The following CLTRN variants were observed in gnomAD, a reference collection of about 807,000 sequenced individuals.
CLTRN encodes the protein collectrin, amino acid transport regulator.
Under a neutral mutation model 14.5 loss-of-function variants are expected in CLTRN, and 12 were observed. That is an observed-to-expected ratio of 0.83 (90% confidence interval 0.53 to 1.34). CLTRN has a LOEUF of 1.34. Among genes scored for constraint, CLTRN ranks in the 40% most tolerant of loss-of-function variants. The probability of loss-of-function intolerance (pLI) is 0.00; values close to 1 mark genes in which losing one functional copy is unlikely to be tolerated. For synonymous variants in CLTRN, 58 were observed against 56.5 expected (o/e 1.03, Z -0.12); for missense variants, 154 against 165.1 (o/e 0.93, Z 0.37).
At chrX:15,649,720 T>C (rs1272393148) in intron 3 of CLTRN, among the ~76,000 whole-genome samples, 1 of 110,704 alleles carries the variant, frequency 9.0e-6, no homozygotes, top group Non-Finnish European at 1.9e-5. Context: ...ATAACCCCCA[T>C]ACAGATCCCA....
In CLTRN at chrX:15,631,013, T is replaced by C. The variant is rs145904915; in HGVS notation, c.513-2886A>G. Reference sequence around the variant, plus strand: ...CCAACATTCACTAACAGCTACATTTTGAGCGTCTACTATGTGTATGGAAGA... The same window carrying C: ...CCAACATTCACTAACAGCTACATTTCGAGCGTCTACTATGTGTATGGAAGA... On this transcript the variant is annotated intron_variant, in intron 5 of 5. Transcript: ENST00000380342. Among the ~76,000 whole-genome samples, 786 of 112,194 alleles carry C rather than the reference T, an allele frequency of 7.0e-3. 6 individuals carry two copies. The highest frequency in any genetic ancestry group is 0.024 in the African/African-American group (746 of 30,870).
At chrX:15,668,560 G>GT (rs754851358), upstream of CLTRN, among the ~76,000 whole-genome samples, 2 of 111,207 alleles carry the variant, frequency 1.8e-5, no homozygotes, top group African/African-American at 6.5e-5. Context: ...TCAATTCCTG[G>GT]TTTTTCCCCT....
intron 5 of CLTRN, among the ~76,000 whole-genome samples, chrX:15,638,861 T>C (rs1928876157): frequency 8.9e-6 from 1 of 112,112 alleles, no homozygotes; most frequent in Non-Finnish European, 1.9e-5. Flanking sequence ...CTATAAATTG[T>C]TAAATTGAAA....
Position 15,627,796 on chromosome X carries a change from T to C in CLTRN, c.*175A>G, listed in dbSNP as rs997948688. ...TTTTGAGTCGTGAATAGCTTATGAT[T>C]TCAGTGGTGTTGGTGGGTATAATTG... On this transcript the variant is annotated 3_prime_UTR_variant, in exon 6 of 6. Coordinates refer to ENST00000380342, the MANE Select transcript of CLTRN (RefSeq NM_020665.6). The C allele has an allele frequency of 4.5e-5, 14 of 308,936 alleles. No homozygotes were observed. Among genetic ancestry groups the C allele is most frequent in the Admixed American group, 1.9e-4 (3 of 16,106 alleles). 25.5% of individuals were successfully genotyped at this position (308,936 alleles called of 1,213,427 possible).
chrX:15,645,492 C>T (rs1929043094), intron 3 of CLTRN, among the ~76,000 whole-genome samples: 1 of 111,970 alleles, frequency 8.9e-6, no homozygotes, highest in African/African-American at 3.3e-5. Flanking sequence ...CATCTACTGT[C>T]TCTCTTCCAC....
intron 4 of CLTRN, among the ~76,000 whole-genome samples, chrX:15,643,464 C>G (rs1189720782): frequency 1.8e-5 from 2 of 112,132 alleles, no homozygotes; most frequent in Non-Finnish European, 3.8e-5. Context: ...ATTAATACTT[C>G]CCAGACCTTC....
At chrX:15,639,879 G>A in intron 4 of CLTRN, 123 bp from the exon 5 acceptor site, 2 of 698,305 alleles carry the variant, frequency 2.9e-6, no homozygotes, top group Admixed American at 3.8e-5. Flanking sequence ...CTCCTGGCAG[G>A]AGACTTCAAG....
chrX:15,646,413 T>C (rs1290915911), intron 3 of CLTRN: 32 of 312,835 alleles, frequency 1.0e-4, no homozygotes, highest in African/African-American at 6.7e-4. Flanking sequence ...CATGGGCAGC[T>C]ACCTGAGCGG....
At chrX:15,661,730 T>A (rs1486968226) in intron 2 of CLTRN, among the ~76,000 whole-genome samples, 1 of 112,553 alleles carries the variant, frequency 8.9e-6, no homozygotes, top group South Asian at 3.6e-4. Context: ...AATACACATA[T>A]AAGAATGTCC....
intron 5 of CLTRN, among the ~76,000 whole-genome samples, chrX:15,633,096 G>A (rs1481067671): frequency 9.1e-6 from 1 of 110,068 alleles, no homozygotes; most frequent in Non-Finnish European, 1.9e-5. Flanking sequence ...TGAGATTGAT[G>A]GACTTTGAAA....
chrX:15,644,211 C>G (rs1929005641), intron 4 of CLTRN, among the ~76,000 whole-genome samples: 1 of 111,955 alleles, frequency 8.9e-6, no homozygotes, highest in African/African-American at 3.3e-5. Flanking sequence ...GCTGAGAGCA[C>G]CTTTCTAGGC....
chrX:15,635,813 T>C, intron 5 of CLTRN, among the ~76,000 whole-genome samples: 1 of 111,898 alleles, frequency 8.9e-6, no homozygotes, highest in Middle Eastern at 4.6e-3. Context: ...AAGGAGTTAA[T>C]ATCCAAAAAT....
At chrX:15,631,612 G>A (rs1252390101) in intron 5 of CLTRN, among the ~76,000 whole-genome samples, 1 of 112,361 alleles carries the variant, frequency 8.9e-6, no homozygotes, top group Non-Finnish European at 1.9e-5. Flanking sequence ...ATGAGGACAA[G>A]TTTTTCTTCT....
intron 3 of CLTRN, among the ~76,000 whole-genome samples, chrX:15,652,944 T>G (rs1283666124): frequency 9.0e-6 from 1 of 110,803 alleles, no homozygotes; most frequent in African/African-American, 3.3e-5. Flanking sequence ...AGCCAGGCGT[T>G]GTGGCAGGCA....
At chrX:15,636,474 A>G (rs1208204241) in intron 5 of CLTRN, among the ~76,000 whole-genome samples, 1 of 112,551 alleles carries the variant, frequency 8.9e-6, no homozygotes, top group African/African-American at 3.2e-5. Flanking sequence ...AGTTGAATTT[A>G]TATGTTAATT....
chrX:15,637,783 CCCA>C (rs1342325986), intron 5 of CLTRN, among the ~76,000 whole-genome samples: 1 of 112,057 alleles, frequency 8.9e-6, no homozygotes, highest in African/African-American at 3.2e-5. Context: ...CTCTTTTTAT[CCCA>C]CCAAGTTAAT....
intron 3 of CLTRN, chrX:15,646,625 C>G (rs1929080706): frequency 2.9e-6 from 1 of 339,972 alleles, no homozygotes; most frequent in African/African-American, 2.7e-5. Context: ...ACTACGCCCG[C>G]ATCCGCATCC....
chrX:15,655,651 C>G (rs780588233), intron 3 of CLTRN, among the ~76,000 whole-genome samples: 1 of 112,029 alleles, frequency 8.9e-6, no homozygotes, highest in Non-Finnish European at 1.9e-5. Flanking sequence ...CTCAAGCCAG[C>G]CTTCCACCAT....
chrX:15,634,839 C>T (rs1315414854), intron 5 of CLTRN, among the ~76,000 whole-genome samples: 2 of 103,844 alleles, frequency 1.9e-5, no homozygotes, highest in African/African-American at 3.5e-5. Context: ...TGCTAGATGA[C>T]GAGTTAGTGG....
Sources: allele counts gnomAD v4.1 joint callset (sites outside exome capture counted in the v4.1 genomes callset), GRCh38; gene constraint gnomAD v4.1.1; transcripts MANE v1.5; gene names NCBI Gene and HGNC (gene_info 2026-07-23, HGNC 2026-07-21).